The following SLC26A8 variants were observed in gnomAD, a reference collection of about 807,000 sequenced individuals.
SLC26A8 encodes the protein solute carrier family 26 member 8, also known as testis anion transporter 1.
SLC26A8 carries 70 observed loss-of-function variants against 105.0 expected under a neutral mutation model. The observed-to-expected ratio is 0.67, with a 90% confidence interval of 0.55 to 0.81. The LOEUF (loss-of-function observed/expected upper bound fraction) is 0.81. SLC26A8 is among the 40% of genes least tolerant of loss of function. SLC26A8 has a pLI of 0.00. For missense variants in SLC26A8, 998 were observed against 1,181.8 expected (o/e 0.84, Z 2.28); for synonymous variants, 415 against 438.3 (o/e 0.95, Z 0.66).
chr6:35,991,343 G>A (rs1341903852), intron 7 of SLC26A8, among the ~76,000 whole-genome samples: 1 of 149,404 alleles, frequency 6.7e-6, no homozygotes, highest in East Asian at 2.0e-4. Flanking sequence ...GGCAGAGGTT[G>A]CAGTGAGCCA....
Position 35,968,297 on chromosome 6 carries a change from A to G in SLC26A8, c.1365+580T>C, listed in dbSNP as rs147470940. Among the ~76,000 whole-genome samples, 106 of 151,680 alleles carry G rather than the reference A, an allele frequency of 7.0e-4. 1 individual carries two copies. In the East Asian group the frequency reaches 0.019, roughly 26 times the overall value. ...GTAGCTGGGATTACAGGCATGCACC[A>G]CCATGACCAGCTAATTTTTGTATTT... is the stretch of plus-strand genomic sequence containing the variant. On this transcript the variant is annotated intron_variant, in intron 11 of 19. Coordinates refer to ENST00000490799, the MANE Select transcript of SLC26A8 (RefSeq NM_052961.4).
chr6:36,009,373 AC>A (rs1160428030), intron 3 of SLC26A8, among the ~76,000 whole-genome samples: 5 of 152,006 alleles, frequency 3.3e-5, no homozygotes, highest in African/African-American at 9.7e-5. Flanking sequence ...AACAACAACA[AC>A]AACAACAACA....
At chr6:35,976,400 G>T (rs1317509173) in intron 9 of SLC26A8, among the ~76,000 whole-genome samples, 1 of 151,202 alleles carries the variant, frequency 6.6e-6, no homozygotes, top group Non-Finnish European at 1.5e-5. Context: ...CTCCAGCATG[G>T]GTAACAAGAG....
chr6:36,001,493 T>C (rs612556), intron 3 of SLC26A8, among the ~76,000 whole-genome samples: 85,275 of 152,000 alleles, frequency 0.56, 24,266 homozygotes, highest in South Asian at 0.71. Flanking sequence ...ACTTAACCAA[T>C]TTGTTTCTAA....
intron 8 of SLC26A8, among the ~76,000 whole-genome samples, chr6:35,978,733 ATTTTAT>A (rs1773145266): frequency 6.6e-6 from 1 of 152,056 alleles, no homozygotes; most frequent in Non-Finnish European, 1.5e-5. Context: ...TGCATTTAAA[ATTTTAT>A]TTTTGAGTAG....
rs140872309 is a variant in SLC26A8, at chr6:35,946,259, C to T, written c.2473-1919G>A. 2.7e-3 allele frequency among the ~76,000 whole-genome samples: 406 copies of T among 152,240 alleles called. 10 individuals carry two copies. The highest frequency in any genetic ancestry group is 0.023 in the Admixed American group (351 of 15,300). On this transcript the variant is annotated intron_variant, in intron 19 of 19. Transcript: ENST00000490799. ...TTGTTTTGTTTTGTTTTGTTTTAGA[C>T]AGAGTATCACTCTGTTGCCCAGGCT...
intron 19 of SLC26A8, among the ~76,000 whole-genome samples, chr6:35,950,303 T>C (rs1302901162): frequency 1.3e-5 from 2 of 151,738 alleles, no homozygotes; most frequent in Admixed American, 1.3e-4. Flanking sequence ...GTATTTTTTT[T>C]TTTTTAGACA....
chr6:35,966,501 T>C (rs940894962), intron 11 of SLC26A8, among the ~76,000 whole-genome samples: 1 of 152,204 alleles, frequency 6.6e-6, no homozygotes, highest in Non-Finnish European at 1.5e-5. Flanking sequence ...AACTCATACA[T>C]AATTTCCATT....
At chr6:35,952,027 C>G (rs773026262) in intron 17 of SLC26A8, among the ~76,000 whole-genome samples, 2 of 152,106 alleles carry the variant, frequency 1.3e-5, no homozygotes, top group East Asian at 1.9e-4. Context: ...AGAATCAGAC[C>G]GTGTCATGTG....
At chr6:35,986,024 CTTT>C (rs34715373) in intron 7 of SLC26A8, among the ~76,000 whole-genome samples, 6 of 71,320 alleles carry the variant, frequency 8.4e-5, no homozygotes, top group Admixed American at 1.8e-4. Context: ...ACATATACAT[CTTT>C]TTTTTTTTTT....
intron 1 of SLC26A8, among the ~76,000 whole-genome samples, chr6:36,022,733 T>A (rs1356668760): frequency 1.3e-5 from 2 of 151,990 alleles, no homozygotes; most frequent in East Asian, 3.9e-4. Context: ...GTTTCCTTAT[T>A]ATTTTTTTTA....
At chr6:35,985,042 C>T (rs778090773) in intron 7 of SLC26A8, among the ~76,000 whole-genome samples, 3 of 152,156 alleles carry the variant, frequency 2.0e-5, no homozygotes, top group Non-Finnish European at 4.4e-5. Context: ...CTCCACAACC[C>T]CTTACCGTAA....
At chr6:35,996,737 A>C (rs1056726673) in intron 5 of SLC26A8, among the ~76,000 whole-genome samples, 8 of 152,028 alleles carry the variant, frequency 5.3e-5, no homozygotes, top group Admixed American at 2.0e-4. Context: ...TGTTGATAGA[A>C]TATAAAGCAA....
intron 10 of SLC26A8, among the ~76,000 whole-genome samples, chr6:35,973,551 A>G (rs1189554959): frequency 6.9e-6 from 1 of 145,642 alleles, no homozygotes; most frequent in Non-Finnish European, 1.5e-5. Context: ...TATTTTAGCG[A>G]TTTTTTTTTT....
At chr6:35,962,094 T>A (rs1052845902) in intron 12 of SLC26A8, among the ~76,000 whole-genome samples, 1 of 151,856 alleles carries the variant, frequency 6.6e-6, no homozygotes, top group African/African-American at 2.4e-5. Context: ...GGCATGGTGG[T>A]GGGCTCCTGC....
At chr6:36,023,162 T>TATCC (rs68186703) in intron 1 of SLC26A8, among the ~76,000 whole-genome samples, 30,200 of 142,904 alleles carry the variant, frequency 0.21, 3,371 homozygotes, top group African/African-American at 0.29. Context: ...ATAGTACCCT[T>TATCC]ATCCATCCAT....
At chr6:35,953,215 C>T (rs1377638603) in intron 17 of SLC26A8, among the ~76,000 whole-genome samples, 1 of 152,106 alleles carries the variant, frequency 6.6e-6, no homozygotes. Flanking sequence ...CTGACATTGT[C>T]TCCATGTTGG....
At chr6:35,971,896 G>A (rs1453804587) in intron 10 of SLC26A8, among the ~76,000 whole-genome samples, 9 of 152,210 alleles carry the variant, frequency 5.9e-5, no homozygotes, top group South Asian at 2.1e-4. Flanking sequence ...TGGAGAACAC[G>A]GAAGCACAGT....
intron 3 of SLC26A8, among the ~76,000 whole-genome samples, chr6:36,004,964 C>T (rs1381027319): frequency 6.6e-6 from 1 of 151,914 alleles, no homozygotes; most frequent in Non-Finnish European, 1.5e-5. Context: ...CCACACCTGG[C>T]CCCCATTTAC....
Sources: allele counts gnomAD v4.1 joint callset (sites outside exome capture counted in the v4.1 genomes callset), GRCh38; gene constraint gnomAD v4.1.1; transcripts MANE v1.5; gene names NCBI Gene and HGNC (gene_info 2026-07-23, HGNC 2026-07-21).